DNAJC13: variants seen among roughly 807,000 people sequenced by gnomAD.
DNAJC13 encodes dnaJ homolog subfamily C member 13.
A neutral mutation model predicts 290.5 loss-of-function variants in DNAJC13; 75 were observed. That is an observed-to-expected ratio of 0.26 (90% CI 0.21 to 0.31). The LOEUF is 0.31. Among genes scored for constraint, DNAJC13 ranks in the 10% least tolerant of loss-of-function variants. The probability of loss-of-function intolerance (pLI) is 1.00; values close to 1 mark genes in which losing one functional copy is unlikely to be tolerated. For synonymous variants in DNAJC13, 862 were observed against 892.0 expected, an observed-to-expected ratio of 0.97 and a Z score of 0.60; for missense variants, 2,260 against 2,674.5, an observed-to-expected ratio of 0.85 and a Z score of 3.42.
At chr3:132,421,390 A>G (rs1173255716) in intron 1 of DNAJC13, among the ~76,000 whole-genome samples, 1 of 152,232 alleles carries the variant, frequency 6.6e-6, no homozygotes. Context: ...TAAATAGTTA[A>G]GTATGATTAT....
chr3:132,453,961 A>G (rs1423054535), intron 8 of DNAJC13, 105 bp from the exon 9 acceptor site: 1 of 927,652 alleles, frequency 1.1e-6, no homozygotes, highest in East Asian at 2.7e-5. Context: ...AACAAGTCAC[A>G]TCTTAAAATA....
chr3:132,425,974 C>A (rs551620792), intron 1 of DNAJC13, among the ~76,000 whole-genome samples: 1 of 152,174 alleles, frequency 6.6e-6, no homozygotes, highest in African/African-American at 2.4e-5. Context: ...CACTGGACTC[C>A]CAAATCCTGT....
chr3:132,420,193 C>T (rs1178471428), intron 1 of DNAJC13, among the ~76,000 whole-genome samples: 1 of 152,222 alleles, frequency 6.6e-6, no homozygotes, highest in Non-Finnish European at 1.5e-5. Flanking sequence ...ACAAACCTCC[C>T]TGGGTCTACT....
intron 54 of DNAJC13, among the ~76,000 whole-genome samples, chr3:132,530,710 A>G (rs1936390345): frequency 6.6e-6 from 1 of 152,214 alleles, no homozygotes; most frequent in Non-Finnish European, 1.5e-5. Flanking sequence ...TACTCTGCAT[A>G]GGTATCTTCC....
chr3:132,531,410 T>C (rs1246808159), intron 55 of DNAJC13, among the ~76,000 whole-genome samples: 1 of 152,228 alleles, frequency 6.6e-6, no homozygotes, highest in East Asian at 1.9e-4. Context: ...GGAATAAATA[T>C]CTGCTGAGGA....
chr3:132,466,612 T>A (rs1379364182), intron 19 of DNAJC13, among the ~76,000 whole-genome samples: 1 of 152,186 alleles, frequency 6.6e-6, no homozygotes, highest in Admixed American at 6.5e-5. Flanking sequence ...ATTTACAGAG[T>A]TGTGCAGCTA....
intron 50 of DNAJC13, 81 bp downstream of exon 50, chr3:132,523,280 C>T (rs542560301): frequency 1.4e-5 from 20 of 1,464,008 alleles, no homozygotes; most frequent in Non-Finnish European, 1.8e-5. Context: ...TTAATGCCGA[C>T]CTATAACTAC....
intron 48 of DNAJC13, 139 bp downstream of exon 48, chr3:132,516,955 TC>T (rs1935938776): frequency 8.4e-6 from 6 of 713,454 alleles, no homozygotes; most frequent in South Asian, 5.7e-5. Context: ...AAATTCACAT[TC>T]CGGGAATTGT....
chr3:132,432,216 G>T (rs891704192), intron 1 of DNAJC13, among the ~76,000 whole-genome samples: 13 of 148,974 alleles, frequency 8.7e-5, no homozygotes, highest in East Asian at 1.9e-4. Context: ...TTGTTTTTTT[G>T]GGGGGGGACA....
chr3:132,469,242 T>G (rs1303960622), intron 20 of DNAJC13, among the ~76,000 whole-genome samples: 4 of 152,222 alleles, frequency 2.6e-5, no homozygotes, highest in Non-Finnish European at 5.9e-5. Context: ...AACACTAACA[T>G]CAAAGTTTGG....
Position 132,461,104 on chromosome 3 carries a change from G to A in DNAJC13, c.1612G>A (p.Ala538Thr). Reference protein sequence around the residue: ...ISSLLDFLTFALCAPYSETTE... With the variant: ...ISSLLDFLTFTLCAPYSETTE... ...TTCGCTCTTGGACTTCCTTACCTTT[G>A]CCCTCTGTGCTCCATATAGTGAGAC... The change falls in exon 15 of 56, where the codon GCC becomes ACC. Residue 538 changes from alanine to threonine, a missense_variant. Transcript: ENST00000260818. The A allele has an allele frequency of 6.2e-7, 1 of 1,614,018 alleles. No individual in the cohort carries two copies.
chr3:132,461,279 A>G, intron 15 of DNAJC13, 74 bp downstream of exon 15: 2 of 1,519,164 alleles, frequency 1.3e-6, no homozygotes, highest in Non-Finnish European at 1.8e-6. Context: ...TGTTTCTAAG[A>G]TAACATTTGC....
intron 52 of DNAJC13, 62 bp from the exon 53 acceptor site, chr3:132,526,079 G>T: frequency 3.8e-6 from 6 of 1,574,780 alleles, no homozygotes; most frequent in Non-Finnish European, 4.3e-6. Flanking sequence ...TTTTGTTATG[G>T]TATTTACTAT....
Position 132,461,049 on chromosome 3 carries a change from G to A in DNAJC13, c.1558-1G>A. 6.2e-7 allele frequency: 1 copy of A among 1,613,494 alleles called. No homozygotes were observed. Among genetic ancestry groups the A allele is most frequent in the Non-Finnish European group, 8.5e-7 (1 of 1,179,794 alleles). ...TAAGAGAATCTGTTGCATTGTTTCA[G>A]GATCATGGGACTGGTGCCCTAGTTA... On this transcript the variant is annotated splice_acceptor_variant, in intron 14 of 55. Transcript: ENST00000260818. LOFTEE classifies it high-confidence loss of function.
intron 36 of DNAJC13, among the ~76,000 whole-genome samples, chr3:132,497,219 A>T (rs565848037): frequency 6.6e-6 from 1 of 152,236 alleles, no homozygotes; most frequent in Non-Finnish European, 1.5e-5. Context: ...GTAATTTCAG[A>T]TTACAGGATT....
At chr3:132,521,676 T>C (rs771123953) in intron 48 of DNAJC13, among the ~76,000 whole-genome samples, 16 of 152,248 alleles carry the variant, frequency 1.1e-4, no homozygotes, top group Non-Finnish European at 1.9e-4. Context: ...AGGGAGCTCA[T>C]GACCAAGAAG....
chr3:132,466,498 T>A, intron 19 of DNAJC13, 104 bp downstream of exon 19: 4 of 846,222 alleles, frequency 4.7e-6, no homozygotes, highest in South Asian at 2.9e-5. Context: ...AAAGAATTCA[T>A]TGCATTGAAT....
chr3:132,456,637 T>G (rs1447429797), intron 11 of DNAJC13, 26 bp from the exon 12 acceptor site: 7 of 1,612,940 alleles, frequency 4.3e-6, no homozygotes, highest in Non-Finnish European at 5.9e-6. Context: ...ATGGAAACTT[T>G]TTTGAAATAC....
intron 9 of DNAJC13, among the ~76,000 whole-genome samples, chr3:132,455,482 T>C (rs1407303892): frequency 6.6e-6 from 1 of 152,240 alleles, no homozygotes; most frequent in African/African-American, 2.4e-5. Flanking sequence ...GTTCCACTTT[T>C]AGGTATCTAT....
Sources: gnomAD v4.1 joint callset for allele counts (sites outside exome capture counted in the v4.1 genomes callset) on GRCh38, gnomAD v4.1.1 for gene constraint, MANE v1.5 for transcripts, NCBI Gene and HGNC (gene_info 2026-07-23, HGNC 2026-07-21) for gene names.